The following SMPDL3B variants were observed in gnomAD, a reference collection of about 807,000 sequenced individuals.
The protein encoded by SMPDL3B is acid sphingomyelinase-like phosphodiesterase 3b.
Under a neutral mutation model 37.9 loss-of-function variants are expected in SMPDL3B, and 31 were observed. The ratio of observed to expected loss-of-function variants is 0.82; its 90% CI spans 0.61 to 1.10. The LOEUF is 1.10. Ranked by LOEUF, SMPDL3B falls within the 50% of genes least tolerant of loss-of-function variation. The pLI is 0.00. For missense variants in SMPDL3B, 525 were observed against 597.8 expected (o/e 0.88, Z 1.27); for synonymous variants, 235 against 242.6 (o/e 0.97, Z 0.29).
intron 4 of SMPDL3B, among the ~76,000 whole-genome samples, chr1:27,954,009 T>C (rs532508181): frequency 5.9e-5 from 9 of 152,346 alleles, no homozygotes; most frequent in Admixed American, 1.3e-4. Flanking sequence ...TTAGTCCACA[T>C]AGATCAGCTC....
rs1571669267 is a variant in SMPDL3B at position 27,958,906 on chromosome 1, G to T, written c.*68G>T. ...AGCGCCCAGGATCACCCAGAGCTGG[G>T]CCTTCCACCATTTCCTCCGCGCCTG... On this transcript the variant is annotated 3_prime_UTR_variant, in exon 8 of 8. Coordinates refer to ENST00000373894, the MANE Select transcript of SMPDL3B (RefSeq NM_014474.4). This position sits in a 1 kb window ranked among gnomAD's most constrained non-coding sequence, Gnocchi z 5.6. 1 of 1,454,844 alleles carries T rather than the reference G, an allele frequency of 6.9e-7. No homozygotes were observed. The allele number at this position is 1,454,844 out of a possible 1,614,324, so 90.1% of individuals were successfully genotyped here.
chr1:27,952,524 G>T (rs992864349), intron 3 of SMPDL3B, among the ~76,000 whole-genome samples: 1 of 152,304 alleles, frequency 6.6e-6, no homozygotes, highest in East Asian at 1.9e-4. Flanking sequence ...CAGAAATGAG[G>T]CTGTTCATGT....
At chr1:27,951,443 T>C (rs2090454894) in intron 3 of SMPDL3B, among the ~76,000 whole-genome samples, 1 of 152,224 alleles carries the variant, frequency 6.6e-6, no homozygotes, top group South Asian at 2.1e-4. Context: ...ACATCATGTG[T>C]TCTTCCTGCT....
At chr1:27,957,149 T>C (rs888258402) in intron 7 of SMPDL3B, among the ~76,000 whole-genome samples, 1 of 152,054 alleles carries the variant, frequency 6.6e-6, no homozygotes, top group Non-Finnish European at 1.5e-5. Flanking sequence ...GGAATCATCA[T>C]GTCTGCTGTG....
intron 1 of SMPDL3B, chr1:27,936,619 G>A (rs1172038522): frequency 3.9e-5 from 6 of 152,222 alleles, no homozygotes; most frequent in African/African-American, 1.4e-4. Flanking sequence ...GCCTGTGCCT[G>A]GCTGTACTAT....
At chr1:27,956,111 G>A in intron 7 of SMPDL3B, 29 bp downstream of exon 7, 3 of 1,614,150 alleles carry the variant, frequency 1.9e-6, no homozygotes, top group Non-Finnish European at 2.5e-6. Flanking sequence ...GCCAGAGGAG[G>A]AGGGTGGGAG....
At position 27,956,086 on chromosome 1, in the gene SMPDL3B, A is replaced by G. The variant is rs1373997703; in HGVS notation, c.1005+4A>G. 3 of 1,614,084 alleles carry G rather than the reference A, an allele frequency of 1.9e-6. No individual in the cohort carries two copies. The highest frequency in any genetic ancestry group is 2.7e-5 in the African/African-American group (2 of 74,942). Reference sequence around the variant, plus strand: ...CCGAGCCACACTGAGCCTGAAGGTCAGGAGTCCTGCGGAGGCCAGAGGAGG... The same window carrying G: ...CCGAGCCACACTGAGCCTGAAGGTCGGGAGTCCTGCGGAGGCCAGAGGAGG... On this transcript the variant is annotated splice_donor_region_variant and intron_variant, in intron 7 of 7. Coordinates refer to ENST00000373894, the MANE Select transcript of SMPDL3B (RefSeq NM_014474.4).
rs1638274911 is a variant in SMPDL3B at position 27,956,354 on chromosome 1, T to C, written c.1005+272T>C. On this transcript the variant is annotated intron_variant, in intron 7 of 7. Transcript: ENST00000373894. The stretch of plus-strand genomic sequence containing the variant: ...TCTGGCCCTGCCCTGCTATGGCCCA[T>C]CCGCTACACAAGAGAGAAGAAACTA... 3 of 1,329,292 alleles carry C rather than the reference T, an allele frequency of 2.3e-6. No homozygotes were observed. In the Admixed American group the frequency reaches 8.3e-5, roughly 37 times the overall value. The allele number at this position is 1,329,292 out of a possible 1,614,324, so 82.3% of individuals were successfully genotyped here.
In SMPDL3B at chr1:27,958,775, G is replaced by A. The variant is rs367824040; in HGVS notation, c.1305G>A (p.Thr435=). Reference sequence around the variant, plus strand: ...CCTGTCTGTATGCCTCTGGCACCACGCCCGTGCCCCAGCTCCCGCTGCTGC... The same window carrying A: ...CCTGTCTGTATGCCTCTGGCACCACACCCGTGCCCCAGCTCCCGCTGCTGC... ...YTTCLYASGT[T]PVPQLPLLLM... is the part of the protein sequence containing the mutation. Residue 435 remains threonine, a synonymous_variant, in exon 8 of 8, where the codon ACG becomes ACA. Coordinates refer to ENST00000373894, the MANE Select transcript of SMPDL3B (RefSeq NM_014474.4). This position sits in a 1 kb window ranked among gnomAD's most constrained non-coding sequence, Gnocchi z 5.6. The A allele has an allele frequency of 3.1e-5, 50 of 1,610,188 alleles. No homozygotes were observed. The highest frequency in any genetic ancestry group is 1.7e-4 in the Middle Eastern group (1 of 6,034).
At chr1:27,949,220 C>T in intron 3 of SMPDL3B, 58 bp downstream of exon 3, 1 of 1,545,164 alleles carries the variant, frequency 6.5e-7, no homozygotes, top group Non-Finnish European at 8.9e-7. Context: ...CACTGCCTGG[C>T]ACAGTGGGAC....
intron 4 of SMPDL3B, among the ~76,000 whole-genome samples, chr1:27,954,050 G>A (rs974717966): frequency 7.9e-5 from 12 of 152,218 alleles, no homozygotes; most frequent in Admixed American, 1.3e-4. Context: ...GTGAAGGGTC[G>A]ACAGTGGATC....
intron 2 of SMPDL3B, among the ~76,000 whole-genome samples, chr1:27,947,876 C>T (rs907550793): frequency 3.9e-5 from 6 of 152,026 alleles, no homozygotes; most frequent in African/African-American, 1.4e-4. Context: ...TCACCGCCCC[C>T]GGCCTAGGTG....
intron 4 of SMPDL3B, among the ~76,000 whole-genome samples, chr1:27,954,059 T>C (rs373558906): frequency 1.7e-3 from 256 of 152,278 alleles, no homozygotes; most frequent in African/African-American, 5.7e-3. Context: ...CGACAGTGGA[T>C]CTGGATGGGC....
chr1:27,954,281 T>C, intron 4 of SMPDL3B, 73 bp from the exon 5 acceptor site: 1 of 1,357,420 alleles, frequency 7.4e-7, no homozygotes, highest in Non-Finnish European at 1.0e-6. Flanking sequence ...AAGTGGGACA[T>C]TGAGGTGGAA....
At chr1:27,953,413 C>T in intron 4 of SMPDL3B, 55 bp downstream of exon 4, 2 of 1,465,984 alleles carry the variant, frequency 1.4e-6, no homozygotes, top group Non-Finnish European at 1.9e-6. Flanking sequence ...AGGGTCTGAT[C>T]TTCGTCTTCA....
In SMPDL3B at chr1:27,949,150, G is replaced by A; in HGVS notation, c.361G>A (p.Glu121Lys). Residue 121 changes from glutamate to lysine, a missense_variant, in exon 3 of 8, where the codon GAG becomes AAG. Physicochemically the swap from Glu to Lys is moderately conservative, Grantham distance 56 (BLOSUM62 1). Coordinates refer to ENST00000373894, the MANE Select transcript of SMPDL3B (RefSeq NM_014474.4). The part of the protein sequence containing the change: ...IVERLTKLIR[E>K]VFPDTKVYAA... The stretch of plus-strand genomic sequence containing the variant: ...GGAACGCCTGACCAAGCTCATCAGA[G>A]AGGTCTTTCCAGGTAAGACTGTGCC... 6.2e-7 allele frequency: 1 copy of A among 1,614,218 alleles called. No individual in the cohort carries two copies. Among genetic ancestry groups the A allele is most frequent in the Non-Finnish European group, 8.5e-7 (1 of 1,180,032 alleles).
chr1:27,949,261 T>C (rs2090435694), intron 3 of SMPDL3B, 99 bp downstream of exon 3: 3 of 1,263,456 alleles, frequency 2.4e-6, no homozygotes, highest in Admixed American at 3.7e-5. Context: ...TGGCTGACCT[T>C]CATCCATGGA....
At chr1:27,937,990 C>T (rs1041482801) in intron 1 of SMPDL3B, among the ~76,000 whole-genome samples, 3 of 152,198 alleles carry the variant, frequency 2.0e-5, no homozygotes, top group Non-Finnish European at 4.4e-5. Flanking sequence ...AAAGTTACTA[C>T]CCCTTCCCTA....
Position 27,954,411 on chromosome 1 carries a change from T to G in SMPDL3B, c.575T>G (p.Leu192Arg), listed in dbSNP as rs1227025004. 2 of 1,614,086 alleles carry G rather than the reference T, an allele frequency of 1.2e-6. No homozygotes were observed. Among genetic ancestry groups the G allele is most frequent in the Non-Finnish European group, 1.7e-6 (2 of 1,180,016 alleles). Residue 192 changes from leucine to arginine, a missense_variant, in exon 5 of 8, where the codon CTC (leucine) becomes CGC (arginine). By Grantham distance (102) the Leu-to-Arg change is moderately radical (BLOSUM62 -2). Coordinates refer to ENST00000373894, the MANE Select transcript of SMPDL3B (RefSeq NM_014474.4). ...GPSGAGRIVV[L>R]NTNLYYTSNA... ...AGCGGGGCTGGGCGAATTGTGGTCC[T>G]CAACACCAATCTGTACTATACCAGC...
Sources: allele counts gnomAD v4.1 joint callset (sites outside exome capture counted in the v4.1 genomes callset), GRCh38; gene constraint gnomAD v4.1.1; non-coding constraint Gnocchi (gnomAD v3.1); transcripts MANE v1.5; gene names NCBI Gene and HGNC (gene_info 2026-07-23, HGNC 2026-07-21).